EYS: variants seen among roughly 807,000 people sequenced by gnomAD.
EYS encodes the protein EGF-like photoreceptor maintenance factor, also known as protein eyes shut homolog.
In EYS, 250 loss-of-function variants were observed where a neutral mutation model predicts 282.1. The ratio of observed to expected loss-of-function variants is 0.89; its 90% CI spans 0.80 to 0.98. EYS has a LOEUF of 0.98. EYS is among the 50% of genes least tolerant of loss of function. The pLI, the probability that EYS is intolerant of heterozygous loss-of-function variation, is 0.00. For synonymous variants in EYS, 1,355 were observed against 1,282.9 expected, an observed-to-expected ratio of 1.06 and a Z score of -1.20; for missense variants, 4,016 against 3,709.0, an observed-to-expected ratio of 1.08 and a Z score of -2.15.
At chr6:64,238,059 A>G (rs1205890172) in intron 30 of EYS, among the ~76,000 whole-genome samples, 4 of 152,238 alleles carry the variant, frequency 2.6e-5, no homozygotes, top group Non-Finnish European at 5.9e-5. Context: ...TCATTTTAAA[A>G]TGCAAATAAA....
intron 19 of EYS, among the ~76,000 whole-genome samples, chr6:64,874,880 C>A (rs533245083): frequency 1.3e-5 from 2 of 152,038 alleles, no homozygotes; most frequent in African/African-American, 4.8e-5. Context: ...ATGAAAAGAT[C>A]CTCAAAGGGA....
At chr6:65,016,400 G>GCTA (rs1163561942) in intron 13 of EYS, among the ~76,000 whole-genome samples, 2 of 152,148 alleles carry the variant, frequency 1.3e-5, no homozygotes, top group Non-Finnish European at 2.9e-5. Flanking sequence ...ATGTGAAAAT[G>GCTA]CTAAGCATGT....
At position 64,543,982 on chromosome 6, in the gene EYS, ATTAT is replaced by A. The variant is rs562354341; in HGVS notation, c.5644+46237_5644+46240del. Among the ~76,000 whole-genome samples, 9 of 152,294 alleles carry A rather than the reference ATTAT, an allele frequency of 5.9e-5. No homozygotes were observed. In the South Asian group the frequency reaches 1.9e-3, roughly 32 times the overall value. On this transcript the variant is annotated intron_variant, in intron 26 of 42. Coordinates refer to ENST00000503581, the MANE Select transcript of EYS (RefSeq NM_001142800.2). ...CACATAATCACATACAGAGTTTCAG[ATTAT>A]TTAATTTCTTATTCATAGAAAGAAT...
At chr6:64,760,518 T>G (rs537180451) in intron 22 of EYS, among the ~76,000 whole-genome samples, 17 of 152,264 alleles carry the variant, frequency 1.1e-4, no homozygotes, top group African/African-American at 2.2e-4. Context: ...CGAAGAAGTC[T>G]GCTTCTACCC....
intron 12 of EYS, among the ~76,000 whole-genome samples, chr6:65,141,498 A>C (rs979368193): frequency 8.7e-6 from 1 of 114,922 alleles, no homozygotes; most frequent in Non-Finnish European, 2.2e-5. Flanking sequence ...ATAATAATAA[A>C]AAAAAAACAA....
At chr6:64,360,430 G>A (rs1344413291) in intron 29 of EYS, among the ~76,000 whole-genome samples, 1 of 151,684 alleles carries the variant, frequency 6.6e-6, no homozygotes, top group African/African-American at 2.4e-5. Context: ...GCCTTCTTGT[G>A]TGCCGCTATG....
intron 15 of EYS, among the ~76,000 whole-genome samples, chr6:64,943,815 C>T (rs1415479469): frequency 6.6e-6 from 1 of 151,900 alleles, no homozygotes. Flanking sequence ...TATCAACCTA[C>T]GAATGTCATT....
At chr6:65,202,142 T>C (rs557580144) in intron 12 of EYS, among the ~76,000 whole-genome samples, 25 of 151,964 alleles carry the variant, frequency 1.6e-4, no homozygotes, top group Non-Finnish European at 2.9e-4. Flanking sequence ...CAACCATGGC[T>C]TACATGCTGA....
intron 36 of EYS, among the ~76,000 whole-genome samples, chr6:63,849,284 C>T (rs1296118254): frequency 5.3e-5 from 8 of 152,174 alleles, no homozygotes; most frequent in Non-Finnish European, 2.9e-5. Context: ...AAGGTTCCTG[C>T]CTGCTGGCTC....
intron 28 of EYS, among the ~76,000 whole-genome samples, chr6:64,409,038 C>T (rs1393654316): frequency 6.6e-6 from 1 of 152,102 alleles, no homozygotes; most frequent in Non-Finnish European, 1.5e-5. Flanking sequence ...TAAGTGAGAA[C>T]ATGTTGTATT....
chr6:65,070,362 T>C (rs1773868577), intron 12 of EYS, among the ~76,000 whole-genome samples: 1 of 151,694 alleles, frequency 6.6e-6, no homozygotes, highest in Non-Finnish European at 1.5e-5. Flanking sequence ...TTCTGGAGAG[T>C]CTTCACCCTT....
At chr6:64,223,139 C>T (rs756410396) in intron 31 of EYS, among the ~76,000 whole-genome samples, 6 of 152,046 alleles carry the variant, frequency 3.9e-5, no homozygotes, top group Admixed American at 3.3e-4. Context: ...CGTCCTGGAA[C>T]CATTAAAAAT....
chr6:65,046,948 C>T (rs984341869), intron 13 of EYS, among the ~76,000 whole-genome samples: 4 of 151,734 alleles, frequency 2.6e-5, no homozygotes, highest in Non-Finnish European at 2.9e-5. Context: ...ATGGCACCTT[C>T]GCCCCTGCCC....
At chr6:64,238,482 C>T (rs745622723) in intron 30 of EYS, among the ~76,000 whole-genome samples, 1 of 151,900 alleles carries the variant, frequency 6.6e-6, no homozygotes, top group East Asian at 1.9e-4. Flanking sequence ...TTTTAATGTA[C>T]CCCTCACCCT....
chr6:63,908,006 AC>A (rs1562090349), intron 35 of EYS, among the ~76,000 whole-genome samples: 3 of 47,714 alleles, frequency 6.3e-5, no homozygotes, highest in East Asian at 6.6e-4. Context: ...ACACACACAC[AC>A]AAACGTATAT....
chr6:65,505,335 T>C (rs1766618504), intron 2 of EYS, among the ~76,000 whole-genome samples: 2 of 151,880 alleles, frequency 1.3e-5, no homozygotes, highest in Non-Finnish European at 2.9e-5. Flanking sequence ...TTTACCAATT[T>C]TATTAATATT....
At chr6:65,442,554 C>A (rs568450817) in intron 5 of EYS, among the ~76,000 whole-genome samples, 3 of 151,910 alleles carry the variant, frequency 2.0e-5, no homozygotes, top group African/African-American at 7.2e-5. Flanking sequence ...GAGATTGAGA[C>A]CATCCTGGCT....
At chr6:65,286,585 A>G (rs1768374056) in intron 12 of EYS, among the ~76,000 whole-genome samples, 1 of 151,760 alleles carries the variant, frequency 6.6e-6, no homozygotes, top group African/African-American at 2.4e-5. Flanking sequence ...TATATTATCC[A>G]TGTACATAAG....
intron 29 of EYS, among the ~76,000 whole-genome samples, chr6:64,324,389 T>G (rs1003427362): frequency 9.9e-5 from 15 of 152,148 alleles, no homozygotes; most frequent in Non-Finnish European, 2.1e-4. Flanking sequence ...AATCAAATAA[T>G]CATTGTGACA....
Sources: allele counts gnomAD v4.1 joint callset (sites outside exome capture counted in the v4.1 genomes callset), GRCh38; gene constraint gnomAD v4.1.1; transcripts MANE v1.5; gene names NCBI Gene and HGNC (gene_info 2026-07-23, HGNC 2026-07-21).